The following WNK1 variants were observed in gnomAD, a reference collection of about 807,000 sequenced individuals.
WNK1 encodes the protein WNK lysine deficient protein kinase 1.
WNK1 carries 38 observed loss-of-function variants against 222.8 expected under a neutral mutation model. The observed-to-expected ratio is 0.17, with a 90% CI of 0.13 to 0.22. WNK1 has a LOEUF of 0.22. Ranked by LOEUF, WNK1 falls within the 10% of genes least tolerant of loss-of-function variation. WNK1 has a pLI of 1.00. For synonymous variants in WNK1, 1,090 were observed against 1,092.9 expected (o/e 1.00, Z 0.05); for missense variants, 2,348 against 2,918.4 (o/e 0.80, Z 4.50).
At chr12:808,285 CT>C (rs1357369098) in intron 1 of WNK1, among the ~76,000 whole-genome samples, 2 of 150,756 alleles carry the variant, frequency 1.3e-5, no homozygotes, top group African/African-American at 2.4e-5. Flanking sequence ...AGTAGTTTGC[CT>C]TTTTTTTTCT....
intron 14 of WNK1, 49 bp from the exon 15 acceptor site, chr12:882,894 A>G (rs1592162787): frequency 1.7e-6 from 2 of 1,188,300 alleles, no homozygotes; most frequent in Non-Finnish European, 2.5e-6. Flanking sequence ...AAATTCAGTA[A>G]TAAAGCTGAA....
chr12:865,873 A>G (rs1371415175), intron 8 of WNK1, among the ~76,000 whole-genome samples: 1 of 152,126 alleles, frequency 6.6e-6, no homozygotes, highest in Non-Finnish European at 1.5e-5. Context: ...CATTTATGTA[A>G]GATGATGTAT....
chr12:817,355 TAGAG>T (rs758156638), intron 2 of WNK1, among the ~76,000 whole-genome samples: 2 of 151,362 alleles, frequency 1.3e-5, no homozygotes, highest in Non-Finnish European at 3.0e-5. Flanking sequence ...AATGAAAAAG[TAGAG>T]AGAATGAGAA....
At position 753,884 on chromosome 12, in the gene WNK1, A is replaced by G. The variant is rs752220721; in HGVS notation, c.319A>G (p.Ile107Val). 6.2e-7 allele frequency: 1 copy of G among 1,612,076 alleles called. No individual in the cohort carries two copies. Among genetic ancestry groups the G allele is most frequent in the Non-Finnish European group, 8.5e-7 (1 of 1,179,714 alleles). The change falls in exon 1 of 28, where the codon ATC becomes GTC. Residue 107 changes from isoleucine to valine, a missense_variant. By Grantham distance (29) the Ile-to-Val change is conservative. Coordinates refer to ENST00000315939, the MANE Select transcript of WNK1 (RefSeq NM_018979.4). This position sits in a 1 kb window ranked among gnomAD's most constrained non-coding sequence, Gnocchi z 5.2. Reference sequence around the variant, plus strand: ...TCCTCTTTCCCTGCCCCAGCCCAGCATCCCCGCGGCTGTCCCGCAGAGTGC... The same window carrying G: ...TCCTCTTTCCCTGCCCCAGCCCAGCGTCCCCGCGGCTGTCCCGCAGAGTGC... ...GLPLSLPQPSIPAAVPQSAPP... is the reference protein window; with the variant it reads ...GLPLSLPQPSVPAAVPQSAPP...
intron 2 of WNK1, among the ~76,000 whole-genome samples, chr12:819,516 A>T (rs1822854070): frequency 6.6e-6 from 1 of 152,056 alleles, no homozygotes; most frequent in South Asian, 2.1e-4. Context: ...AGCATTTTGG[A>T]TCTTGGATTT....
At chr12:759,977 TTTTG>T (rs1427910538) in intron 1 of WNK1, among the ~76,000 whole-genome samples, 11 of 148,378 alleles carry the variant, frequency 7.4e-5, no homozygotes, top group African/African-American at 2.2e-4. Context: ...TCTGTGAAGA[TTTTG>T]TTTGTTTATA....
At chr12:792,343 C>G (rs1433597159) in intron 1 of WNK1, among the ~76,000 whole-genome samples, 1 of 128,316 alleles carries the variant, frequency 7.8e-6, no homozygotes, top group Non-Finnish European at 1.6e-5. Context: ...GGCGGAGTCT[C>G]ACTGTGTCAC....
At chr12:908,416 G>A (rs535494295) in intron 27 of WNK1, 59 bp from the exon 28 acceptor site, 32 of 1,543,528 alleles carry the variant, frequency 2.1e-5, no homozygotes, top group Admixed American at 1.3e-4. Flanking sequence ...ATATGTTAGC[G>A]CCACACATTT....
rs1195529269 is a variant in WNK1 at position 909,467 on chromosome 12, A to G, written c.*675A>G. The G allele has an allele frequency of 6.6e-6, 1 of 152,328 alleles. No individual in the cohort carries two copies. The highest frequency in any genetic ancestry group is 1.5e-5 in the Non-Finnish European group (1 of 68,138). The allele number at this position is 152,328 out of a possible 1,614,324, so 9.4% of individuals were successfully genotyped here. Reference sequence around the variant, plus strand: ...AACTTTGCCATCAGTTTTGATGTGGAAACACTGTGATATATAAAATGTTGT... The same window carrying G: ...AACTTTGCCATCAGTTTTGATGTGGGAACACTGTGATATATAAAATGTTGT... On this transcript the variant is annotated 3_prime_UTR_variant, in exon 28 of 28. Coordinates refer to ENST00000315939, the MANE Select transcript of WNK1 (RefSeq NM_018979.4).
In WNK1 at chr12:776,738, A is replaced by G. The variant is rs188197330; in HGVS notation, c.759+22414A>G. On this transcript the variant is annotated intron_variant, in intron 1 of 27. Transcript: ENST00000315939. The stretch of plus-strand genomic sequence containing the variant: ...AGCTACCGCGCCTGGCCCAGATCTT[A>G]ATGTGTTCTTGCTCTGCGTGGTGTT... 2.6e-5 allele frequency among the ~76,000 whole-genome samples: 4 copies of G among 152,016 alleles called. No homozygotes were observed. In the East Asian group the frequency reaches 7.7e-4, roughly 29 times the overall value.
At chr12:861,829 A>G (rs1951241344) in intron 7 of WNK1, among the ~76,000 whole-genome samples, 1 of 152,194 alleles carries the variant, frequency 6.6e-6, no homozygotes, top group Non-Finnish European at 1.5e-5. Flanking sequence ...TGTCAAATTT[A>G]AGGCTTATAG....
Position 885,222 on chromosome 12 carries a change from C to T in WNK1, c.4418C>T (p.Ala1473Val). ...GCTACCCCAGGTCCTAAGCCTCCAG[C>T]TGTAGTATCTCAGCAGGCAGCAGGC... ...STATPGPKPP[A>V]VVSQQAAGST... Residue 1473 changes from alanine to valine, a missense_variant, in exon 19 of 28, where the codon GCT becomes GTT. Transcript: ENST00000315939. 6.2e-7 allele frequency: 1 copy of T among 1,614,224 alleles called. No homozygotes were observed. The highest frequency in any genetic ancestry group is 1.1e-5 in the South Asian group (1 of 91,092).
chr12:858,912 A>G (rs1466040841), intron 5 of WNK1, among the ~76,000 whole-genome samples: 3 of 152,180 alleles, frequency 2.0e-5, no homozygotes, highest in Non-Finnish European at 4.4e-5. Context: ...CTAGTATACT[A>G]TTACTAATAA....
At chr12:834,363 T>C (rs1414178972) in intron 4 of WNK1, among the ~76,000 whole-genome samples, 1 of 152,196 alleles carries the variant, frequency 6.6e-6, no homozygotes. Flanking sequence ...TTACTGCTAT[T>C]ATATTGTTGT....
chr12:801,140 T>C (rs575725950), intron 1 of WNK1, among the ~76,000 whole-genome samples: 1 of 152,328 alleles, frequency 6.6e-6, no homozygotes, highest in Non-Finnish European at 1.5e-5. Context: ...TCTGTAACTT[T>C]CTTGAGTTAT....
intron 7 of WNK1, among the ~76,000 whole-genome samples, 162 bp downstream of exon 7, chr12:861,505 G>A (rs1951216195): frequency 6.6e-6 from 1 of 152,106 alleles, no homozygotes; most frequent in African/African-American, 2.4e-5. Context: ...TCTTATATCT[G>A]TGACTAGGAG....
At chr12:883,325 A>T in intron 15 of WNK1, 70 bp from the exon 16 acceptor site, 1 of 1,551,828 alleles carries the variant, frequency 6.4e-7, no homozygotes, top group East Asian at 2.2e-5. Context: ...CAGATAGGAC[A>T]GAAGTCATAA....
chr12:869,207 T>C, intron 8 of WNK1: 3 of 1,505,596 alleles, frequency 2.0e-6, no homozygotes, highest in Non-Finnish European at 9.2e-7. Flanking sequence ...TTTGGAGAAA[T>C]ATTGTTTAAT....
chr12:790,649 G>A lies in WNK1; in HGVS notation c.760-22993G>A, dbSNP rs75377430. ...AATAACCAGTTCAGTTGAATGCAACGTGCTCTGTGAGATTAAGGGCTCACA... is the reference window on the plus strand; with the variant it reads ...AATAACCAGTTCAGTTGAATGCAACATGCTCTGTGAGATTAAGGGCTCACA... On this transcript the variant is annotated intron_variant, in intron 1 of 27. Transcript: ENST00000315939. Among the ~76,000 whole-genome samples the A allele has an allele frequency of 4.5e-4, 68 of 152,290 alleles. 3 individuals are homozygous for A. In the East Asian group the frequency reaches 0.013, roughly 29 times the overall value.
Sources: allele counts gnomAD v4.1 joint callset (sites outside exome capture counted in the v4.1 genomes callset), GRCh38; gene constraint gnomAD v4.1.1; non-coding constraint Gnocchi (gnomAD v3.1); transcripts MANE v1.5; gene names NCBI Gene and HGNC (gene_info 2026-07-23, HGNC 2026-07-21).